The following NRXN1 variants were observed in gnomAD, a reference collection of about 807,000 sequenced individuals.
The protein encoded by NRXN1 is neurexin 1.
In NRXN1, 39 loss-of-function variants were observed where a neutral mutation model predicts 150.9. That is an observed-to-expected ratio of 0.26 (90% CI 0.20 to 0.34). The LOEUF (loss-of-function observed/expected upper bound fraction) is 0.34. Among genes scored for constraint, NRXN1 ranks in the 10% least tolerant of loss-of-function variants. The pLI is 1.00. For synonymous variants in NRXN1, 924 were observed against 757.0 expected (o/e 1.22, Z -3.62); for missense variants, 1,815 against 1,949.9 (o/e 0.93, Z 1.30).
intron 18 of NRXN1, among the ~76,000 whole-genome samples, chr2:50,136,099 C>G (rs1341667317): frequency 1.3e-5 from 2 of 152,090 alleles, no homozygotes; most frequent in Non-Finnish European, 2.9e-5. Context: ...TCGGAAGAGT[C>G]AAAGGAATAA....
intron 21 of NRXN1, among the ~76,000 whole-genome samples, chr2:50,051,954 C>T (rs539250950): frequency 6.6e-6 from 1 of 151,986 alleles, no homozygotes; most frequent in African/African-American, 2.4e-5. Context: ...CATGTAGGTA[C>T]AATATATCCA....
At chr2:50,216,666 T>C (rs1424264924) in intron 18 of NRXN1, among the ~76,000 whole-genome samples, 1 of 152,060 alleles carries the variant, frequency 6.6e-6, no homozygotes, top group East Asian at 1.9e-4. Flanking sequence ...GAGTGCTTTA[T>C]TGAGCTTAGA....
chr2:50,843,311 T>G (rs1301119901), intron 5 of NRXN1, among the ~76,000 whole-genome samples: 11 of 152,156 alleles, frequency 7.2e-5, no homozygotes, highest in Admixed American at 6.5e-4. Flanking sequence ...TCTCAAGAAT[T>G]TAAACCTGAA....
chr2:50,786,150 G>T (rs1459638286), intron 5 of NRXN1, among the ~76,000 whole-genome samples: 3 of 151,958 alleles, frequency 2.0e-5, no homozygotes. Flanking sequence ...TAAAAAATAT[G>T]AACTGTAATA....
chr2:50,033,124 T>C (rs992355687), intron 21 of NRXN1, among the ~76,000 whole-genome samples: 3 of 151,952 alleles, frequency 2.0e-5, no homozygotes, highest in Non-Finnish European at 4.4e-5. Flanking sequence ...AATTTTAATC[T>C]ATTGTGTTCA....
In NRXN1 at chr2:50,643,990, G is replaced by A. The variant is rs911238105; in HGVS notation, c.833-20375C>T. On this transcript the variant is annotated intron_variant, in intron 5 of 22. Coordinates refer to ENST00000401669, the MANE Select transcript of NRXN1 (RefSeq NM_001330078.2). ...TTTAAAGTTTGAATCATCCTATTCA[G>A]AGGCACAAAGTTGTTGGTTTTTTTT... is the stretch of plus-strand genomic sequence containing the variant. Among the ~76,000 whole-genome samples, 10 of 151,872 alleles carry A rather than the reference G, an allele frequency of 6.6e-5. No homozygotes were observed. In the East Asian group the frequency reaches 1.9e-3, roughly 29 times the overall value.
In NRXN1 at chr2:50,609,633, C is replaced by G. The variant is rs532388681; in HGVS notation, c.1320+10389G>C. Among the ~76,000 whole-genome samples the G allele has an allele frequency of 2.3e-4, 35 of 152,230 alleles. No homozygotes were observed. The Middle Eastern group carries it at 0.02, about 89-fold the overall frequency. Reference sequence around the variant, plus strand: ...AGTTTAAGGGAGCCAAGATTGGAATCTGGGAGTGTCTGATTCTAAAGCCAT... The same window carrying G: ...AGTTTAAGGGAGCCAAGATTGGAATGTGGGAGTGTCTGATTCTAAAGCCAT... On this transcript the variant is annotated intron_variant, in intron 8 of 22. Coordinates refer to ENST00000401669, the MANE Select transcript of NRXN1 (RefSeq NM_001330078.2).
intron 18 of NRXN1, among the ~76,000 whole-genome samples, chr2:50,235,789 A>C (rs1487922846): frequency 6.6e-6 from 1 of 152,052 alleles, no homozygotes; most frequent in Non-Finnish European, 1.5e-5. Context: ...TGGGAAATAA[A>C]CAGAACCTCA....
intron 2 of NRXN1, chr2:50,985,306 C>G (rs1466635257): frequency 6.6e-6 from 1 of 151,822 alleles, no homozygotes; most frequent in Non-Finnish European, 1.5e-5. Flanking sequence ...TTTAAAAGAG[C>G]TATGCCAATT....
At chr2:50,988,206 A>C (rs535503530) in intron 2 of NRXN1, among the ~76,000 whole-genome samples, 17 of 152,110 alleles carry the variant, frequency 1.1e-4, no homozygotes, top group African/African-American at 4.1e-4. Context: ...CTTAGAGTTT[A>C]TCCTGCCAAA....
At chr2:50,220,829 G>T (rs1252264976) in intron 18 of NRXN1, among the ~76,000 whole-genome samples, 2 of 151,940 alleles carry the variant, frequency 1.3e-5, no homozygotes, top group Non-Finnish European at 2.9e-5. Flanking sequence ...AGCAAATCTT[G>T]TAACACCAAA....
intron 21 of NRXN1, among the ~76,000 whole-genome samples, chr2:50,042,055 C>T (rs555720619): frequency 7.9e-5 from 12 of 152,278 alleles, no homozygotes; most frequent in Middle Eastern, 3.4e-3. Context: ...ACCCCTTTTT[C>T]TTAAATAAAT....
intron 8 of NRXN1, among the ~76,000 whole-genome samples, chr2:50,584,487 T>C (rs1479479707): frequency 6.6e-6 from 1 of 151,960 alleles, no homozygotes. Context: ...CCATCTATCT[T>C]TTTTTATGTT....
chr2:50,515,297 C>A (rs2092596094), intron 12 of NRXN1, among the ~76,000 whole-genome samples: 1 of 152,130 alleles, frequency 6.6e-6, no homozygotes, highest in Non-Finnish European at 1.5e-5. Flanking sequence ...GGTAAACAAC[C>A]TCTAGTTTTA....
At chr2:50,122,140 C>T (rs1703946822) in intron 18 of NRXN1, among the ~76,000 whole-genome samples, 1 of 152,044 alleles carries the variant, frequency 6.6e-6, no homozygotes, top group Admixed American at 6.5e-5. Context: ...GTTTAAATAT[C>T]CCTTCAAAAA....
At chr2:50,339,476 A>G (rs1269551449) in intron 17 of NRXN1, among the ~76,000 whole-genome samples, 2 of 152,184 alleles carry the variant, frequency 1.3e-5, no homozygotes, top group Non-Finnish European at 2.9e-5. Flanking sequence ...CATATACATA[A>G]CCACATACCT....
Position 50,464,793 on chromosome 2 carries a change from T to C in NRXN1, c.3364+649A>G, listed in dbSNP as rs546795374. 6.6e-5 allele frequency among the ~76,000 whole-genome samples: 10 copies of C among 152,058 alleles called. 1 individual carries two copies. The East Asian group carries it at 1.9e-3, about 29-fold the overall frequency. On this transcript the variant is annotated intron_variant, in intron 17 of 22. Transcript: ENST00000401669. ...AAGACACAGAACTTCATCTTATAGA[T>C]CAGTTAATTCCATCTTCAAACCCTC...
chr2:50,882,157 T>G (rs1679540548), intron 5 of NRXN1, among the ~76,000 whole-genome samples: 1 of 151,918 alleles, frequency 6.6e-6, no homozygotes, highest in African/African-American at 2.4e-5. Context: ...TGAATTAGGT[T>G]ACATTGCCTA....
chr2:50,880,686 G>A (rs994712797), intron 5 of NRXN1, among the ~76,000 whole-genome samples: 2 of 151,924 alleles, frequency 1.3e-5, no homozygotes, highest in Admixed American at 6.6e-5. Context: ...GTTTTGTCTT[G>A]CTTTCAGAAT....
Sources: gnomAD v4.1 joint callset for allele counts (sites outside exome capture counted in the v4.1 genomes callset) on GRCh38, gnomAD v4.1.1 for gene constraint, MANE v1.5 for transcripts, NCBI Gene and HGNC (gene_info 2026-07-23, HGNC 2026-07-21) for gene names.